KCNIP4: variants seen among roughly 807,000 people sequenced by gnomAD.
KCNIP4 encodes the protein potassium voltage-gated channel interacting protein 4.
Under a neutral mutation model 34.0 loss-of-function variants are expected in KCNIP4, and 12 were observed. The observed-to-expected ratio is 0.35, with a 90% CI of 0.23 to 0.57. The LOEUF (loss-of-function observed/expected upper bound fraction) is 0.57. KCNIP4 is among the 20% of genes least tolerant of loss of function. KCNIP4 has a pLI of 0.83. For missense variants in KCNIP4, 238 were observed against 311.7 expected, an observed-to-expected ratio of 0.76 and a Z score of 1.78; for synonymous variants, 124 against 102.2, an observed-to-expected ratio of 1.21 and a Z score of -1.29.
intron 1 of KCNIP4, among the ~76,000 whole-genome samples, chr4:21,175,635 T>C (rs1754350928): frequency 2.6e-5 from 4 of 152,146 alleles, no homozygotes; most frequent in Non-Finnish European, 2.9e-5. Flanking sequence ...AAATAAGAGT[T>C]ACTTGAACGC....
At chr4:20,976,415 G>A (rs1735496478) in intron 1 of KCNIP4, among the ~76,000 whole-genome samples, 1 of 152,114 alleles carries the variant, frequency 6.6e-6, no homozygotes, top group Non-Finnish European at 1.5e-5. Flanking sequence ...TCCTATTTGT[G>A]GATGAAGAAT....
chr4:21,265,620 G>T (rs11943249), intron 1 of KCNIP4, among the ~76,000 whole-genome samples: 27,731 of 152,052 alleles, frequency 0.18, 3,295 homozygotes, highest in African/African-American at 0.32. Context: ...GTTTTCAATG[G>T]TCAAATTAGC....
chr4:21,648,907 A>G (rs953190722), intron 1 of KCNIP4, among the ~76,000 whole-genome samples: 2 of 152,164 alleles, frequency 1.3e-5, no homozygotes, highest in Non-Finnish European at 2.9e-5. Flanking sequence ...GCTTTATGAT[A>G]TATACTCCTG....
chr4:21,898,655 T>TG (rs1727540693), intron 1 of KCNIP4, among the ~76,000 whole-genome samples: 2 of 152,200 alleles, frequency 1.3e-5, no homozygotes, highest in South Asian at 4.1e-4. Flanking sequence ...CAGTACTTGC[T>TG]GAGGGCCTTG....
chr4:21,000,342 A>G (rs186443656), intron 1 of KCNIP4, among the ~76,000 whole-genome samples: 3 of 152,138 alleles, frequency 2.0e-5, no homozygotes, highest in African/African-American at 2.4e-5. Context: ...TAAAGCATAG[A>G]TCAAGTCATG....
At chr4:21,149,531 C>T (rs577509435) in intron 1 of KCNIP4, among the ~76,000 whole-genome samples, 4 of 151,632 alleles carry the variant, frequency 2.6e-5, no homozygotes, top group African/African-American at 9.7e-5. Flanking sequence ...CTAGGAGTTC[C>T]GAGAAGTTGA....
At chr4:21,348,220 G>T (rs1227950833) in intron 1 of KCNIP4, among the ~76,000 whole-genome samples, 1 of 152,092 alleles carries the variant, frequency 6.6e-6, no homozygotes, top group Admixed American at 6.6e-5. Flanking sequence ...AGATGCTGTG[G>T]TCATAACTGA....
intron 3 of KCNIP4, among the ~76,000 whole-genome samples, chr4:20,806,107 G>A (rs1181073417): frequency 6.6e-6 from 1 of 151,766 alleles, no homozygotes; most frequent in Non-Finnish European, 1.5e-5. Flanking sequence ...TTCTTTGCCT[G>A]TTCTACATTT....
chr4:21,498,528 G>T (rs1370816476), intron 1 of KCNIP4, among the ~76,000 whole-genome samples: 1 of 141,376 alleles, frequency 7.1e-6, no homozygotes, highest in Non-Finnish European at 1.5e-5. Context: ...ATAAATCAAT[G>T]GATGAACAGA....
intron 1 of KCNIP4, among the ~76,000 whole-genome samples, chr4:21,891,455 C>G (rs970684025): frequency 3.3e-5 from 5 of 151,894 alleles, no homozygotes; most frequent in African/African-American, 4.8e-5. Flanking sequence ...AACGAGTCAG[C>G]GACAAAGAAA....
At chr4:21,084,455 T>C (rs1305990534) in intron 1 of KCNIP4, among the ~76,000 whole-genome samples, 2 of 149,462 alleles carry the variant, frequency 1.3e-5, no homozygotes, top group East Asian at 3.9e-4. Context: ...ATGATTCCTT[T>C]CTCCATGCCA....
intron 1 of KCNIP4, among the ~76,000 whole-genome samples, chr4:21,538,010 T>TA (rs1560498774): frequency 1.0e-4 from 2 of 19,522 alleles, no homozygotes; most frequent in East Asian, 2.0e-3. Flanking sequence ...AGATTCCGTC[T>TA]CAAAAAAAAA....
rs575149910 is a variant in KCNIP4, at chr4:20,734,368, A to G, written c.537+260T>C. Among the ~76,000 whole-genome samples, 5 of 152,298 alleles carry G rather than the reference A, an allele frequency of 3.3e-5. No individual in the cohort carries two copies. The East Asian group carries it at 9.7e-4, about 29-fold the overall frequency. On this transcript the variant is annotated intron_variant, in intron 6 of 8. Coordinates refer to ENST00000382152, the MANE Select transcript of KCNIP4 (RefSeq NM_025221.6). The stretch of plus-strand genomic sequence containing the variant: ...TTCTTTCTATCTGATTCCAACCATG[A>G]TCTTTATTCCATTCACAGTATTTAT...
chr4:21,190,324 T>G (rs1255850199), intron 1 of KCNIP4, among the ~76,000 whole-genome samples: 2 of 152,148 alleles, frequency 1.3e-5, no homozygotes, highest in African/African-American at 2.4e-5. Context: ...TCATTAGTAT[T>G]GGTTCGTTGG....
At chr4:21,048,920 G>C (rs1037163161) in intron 1 of KCNIP4, among the ~76,000 whole-genome samples, 4 of 147,410 alleles carry the variant, frequency 2.7e-5, no homozygotes, top group Admixed American at 2.0e-4. Flanking sequence ...ACAACCCCCA[G>C]CTCTTTCAGT....
intron 1 of KCNIP4, among the ~76,000 whole-genome samples, chr4:21,882,820 G>C (rs1726532695): frequency 1.3e-5 from 2 of 152,142 alleles, no homozygotes; most frequent in African/African-American, 4.8e-5. Flanking sequence ...CTTTTCCTAA[G>C]GAGGGTCTCA....
intron 1 of KCNIP4, among the ~76,000 whole-genome samples, chr4:21,924,673 G>C (rs1729133462): frequency 6.6e-6 from 1 of 152,086 alleles, no homozygotes; most frequent in Non-Finnish European, 1.5e-5. Context: ...TTTTTTAAGG[G>C]TCAGTGCTGA....
At chr4:21,214,337 T>G (rs975070043) in intron 1 of KCNIP4, among the ~76,000 whole-genome samples, 1 of 152,228 alleles carries the variant, frequency 6.6e-6, no homozygotes, top group Non-Finnish European at 1.5e-5. Flanking sequence ...CATCTACCTC[T>G]GAGCTGGTAT....
In KCNIP4 at chr4:21,200,282, A is replaced by ATGTG. The variant is rs201279286; in HGVS notation, c.62-317577_62-317574dup. On this transcript the variant is annotated intron_variant, in intron 1 of 8. Coordinates refer to ENST00000382152, the MANE Select transcript of KCNIP4 (RefSeq NM_025221.6). ...CTGATGAGTGGATAAAGAAAATGTG[A>ATGTG]TGTGTGTGTGTGTGTGTGTATATAT... Among the ~76,000 whole-genome samples, 118 of 141,332 alleles carry ATGTG rather than the reference A, an allele frequency of 8.3e-4. 2 individuals carry two copies. In the East Asian group the frequency reaches 0.014, roughly 17 times the overall value. 92.7% of individuals were successfully genotyped at this position (141,332 alleles called of 152,430 possible). A position where few individuals can be genotyped will look rare whatever the true frequency, so the allele number is the denominator to read the frequency against.
Sources: gnomAD v4.1 joint callset for allele counts (sites outside exome capture counted in the v4.1 genomes callset) on GRCh38, gnomAD v4.1.1 for gene constraint, MANE v1.5 for transcripts, NCBI Gene and HGNC (gene_info 2026-07-23, HGNC 2026-07-21) for gene names.